PHEX: variants seen among roughly 807,000 people sequenced by gnomAD.
PHEX encodes phosphate regulating endopeptidase X-linked, also known as phosphate-regulating neutral endopeptidase PHEX.
PHEX carries 16 observed loss-of-function variants against 68.0 expected under a neutral mutation model. That is an observed-to-expected ratio of 0.24 (90% CI 0.16 to 0.36). The LOEUF is 0.36. Ranked by LOEUF, PHEX falls within the 10% of genes least tolerant of loss-of-function variation. The probability of loss-of-function intolerance (pLI) is 1.00; values close to 1 mark genes in which losing one functional copy is unlikely to be tolerated. For synonymous variants in PHEX, 208 were observed against 205.1 expected (o/e 1.01, Z -0.12); for missense variants, 480 against 575.5 (o/e 0.83, Z 1.70).
rs1462313133 is a variant in PHEX at position 22,214,221 on chromosome X, G to A, written c.1700+1263G>A. The stretch of plus-strand genomic sequence containing the variant: ...AGGGGGCCCACATTCCTTGGCTTAT[G>A]ACCTCTTCCTCCATCTTTAAAGTTC... On this transcript the variant is annotated intron_variant, in intron 16 of 21. Transcript: ENST00000379374. 2.7e-5 allele frequency among the ~76,000 whole-genome samples: 3 copies of A among 111,107 alleles called. No homozygotes were observed. In the East Asian group the frequency reaches 8.5e-4, roughly 31 times the overall value.
At chrX:22,133,473 G>C (rs942296588) in intron 11 of PHEX, 50 bp from the exon 12 acceptor site, 1 of 1,027,438 alleles carries the variant, frequency 9.7e-7, no homozygotes, top group Non-Finnish European at 1.4e-6. Flanking sequence ...AGAAAACCTC[G>C]ACTGAAGCTT....
At chrX:22,041,520 G>A (rs1394253579) in intron 2 of PHEX, among the ~76,000 whole-genome samples, 1 of 108,634 alleles carries the variant, frequency 9.2e-6, no homozygotes, top group African/African-American at 3.4e-5. Flanking sequence ...TGGTGATATG[G>A]GGCCATGCCA....
intron 3 of PHEX, among the ~76,000 whole-genome samples, chrX:22,054,616 A>G (rs933176333): frequency 9.0e-6 from 1 of 111,016 alleles, no homozygotes; most frequent in Non-Finnish European, 1.9e-5. Flanking sequence ...GAAGATTCCC[A>G]TTTTTCTCAG....
chrX:22,133,824 G>A (rs1386158105), intron 12 of PHEX, among the ~76,000 whole-genome samples, 200 bp downstream of exon 12: 1 of 111,798 alleles, frequency 8.9e-6, no homozygotes, highest in Non-Finnish European at 1.9e-5. Context: ...TGAATTTTTC[G>A]AACTGCATTT....
At chrX:22,198,915 C>T (rs947246101) in intron 15 of PHEX, among the ~76,000 whole-genome samples, 1 of 111,214 alleles carries the variant, frequency 9.0e-6, no homozygotes, top group Non-Finnish European at 1.9e-5. Flanking sequence ...ACAATTATGG[C>T]GGACGGCGAA....
chrX:22,195,857 T>C (rs1934350951), intron 15 of PHEX, among the ~76,000 whole-genome samples: 1 of 111,078 alleles, frequency 9.0e-6, no homozygotes. Context: ...GATACAAGAG[T>C]AAAAACTCAC....
chrX:22,148,979 C>T (rs1329553318), intron 12 of PHEX, among the ~76,000 whole-genome samples: 1 of 111,575 alleles, frequency 9.0e-6, no homozygotes, highest in Non-Finnish European at 1.9e-5. Flanking sequence ...GGTTTTAGGG[C>T]CCAGAACTGG....
chrX:22,141,517 C>T (rs1482779265), intron 12 of PHEX, among the ~76,000 whole-genome samples: 3 of 109,846 alleles, frequency 2.7e-5, no homozygotes, highest in Admixed American at 9.7e-5. Context: ...TCTTTTTTTC[C>T]CCGCTCACAG....
intron 20 of PHEX, among the ~76,000 whole-genome samples, chrX:22,230,441 C>CT (rs1410864997): frequency 1.1e-5 from 1 of 93,573 alleles, no homozygotes; most frequent in Non-Finnish European, 2.1e-5. Flanking sequence ...TTTGTGTTCT[C>CT]TCTTATTTCC....
intron 20 of PHEX, among the ~76,000 whole-genome samples, 153 bp from the exon 21 acceptor site, chrX:22,245,180 T>C (rs1469792459): frequency 1.8e-5 from 2 of 112,312 alleles, no homozygotes; most frequent in Non-Finnish European, 3.8e-5. Flanking sequence ...ATAATAGATG[T>C]TATTACAGAT....
chrX:22,234,189 G>T (rs778755001), intron 20 of PHEX, among the ~76,000 whole-genome samples: 1 of 112,965 alleles, frequency 8.9e-6, no homozygotes, highest in Non-Finnish European at 1.9e-5. Flanking sequence ...GCACCTGCCA[G>T]ATGCCAGCCA....
chrX:22,172,889 A>G (rs1160654916), intron 13 of PHEX: 9 of 111,444 alleles, frequency 8.1e-5, no homozygotes, highest in East Asian at 5.7e-4. Flanking sequence ...TCAGAGGCCA[A>G]AGTTTCTGGT....
At chrX:22,204,522 C>T (rs1176509563) in intron 15 of PHEX, among the ~76,000 whole-genome samples, 2 of 111,892 alleles carry the variant, frequency 1.8e-5, no homozygotes, top group Non-Finnish European at 3.8e-5. Flanking sequence ...TCCTTTCTCC[C>T]TCACTAGATT....
At chrX:22,190,636 C>T in intron 15 of PHEX, 134 bp downstream of exon 15, 5 of 540,762 alleles carry the variant, frequency 9.2e-6, no homozygotes, top group Non-Finnish European at 1.7e-5. Flanking sequence ...GAAGGTTGTT[C>T]TCCTACCTAT....
chrX:22,211,943 G>A (rs753360865), intron 15 of PHEX, among the ~76,000 whole-genome samples: 2 of 111,570 alleles, frequency 1.8e-5, no homozygotes, highest in African/African-American at 3.3e-5. Flanking sequence ...GGGGGAAACC[G>A]CGCCCATGAT....
At chrX:22,118,140 C>T (rs1167857365) in intron 11 of PHEX, among the ~76,000 whole-genome samples, 1 of 109,317 alleles carries the variant, frequency 9.1e-6, no homozygotes, top group Non-Finnish European at 1.9e-5. Flanking sequence ...TACATGTGTA[C>T]ATAAATCACG....
At chrX:22,117,130 G>A (rs1401228860) in intron 11 of PHEX, among the ~76,000 whole-genome samples, 2 of 112,226 alleles carry the variant, frequency 1.8e-5, no homozygotes, top group African/African-American at 3.2e-5. Flanking sequence ...TATGTCTTTC[G>A]ACGATTGCAC....
At position 22,248,017 on chromosome X, in the gene PHEX, C is replaced by A. The variant is rs993410261; in HGVS notation, c.*64C>A. 2.6e-6 allele frequency: 2 copies of A among 778,079 alleles called. No individual in the cohort carries two copies. Among genetic ancestry groups the A allele is most frequent in the Non-Finnish European group, 4.0e-6 (2 of 500,433 alleles). The allele number at this position is 778,079 out of a possible 1,213,427, so 64.1% of individuals were successfully genotyped here. On this transcript the variant is annotated 3_prime_UTR_variant, in exon 22 of 22. Transcript: ENST00000379374. Reference sequence around the variant, plus strand: ...AGTGCCAGCGGAGGCTGCACTGAGCCTTCATCGCCCATTGCTTTAGGCCTG... The same window carrying A: ...AGTGCCAGCGGAGGCTGCACTGAGCATTCATCGCCCATTGCTTTAGGCCTG...
chrX:22,109,099 C>G (rs1054776860), intron 9 of PHEX, among the ~76,000 whole-genome samples: 2 of 111,545 alleles, frequency 1.8e-5, no homozygotes, highest in Admixed American at 1.9e-4. Context: ...GATGTAAGCA[C>G]AAGAGAACAG....
Sources: gnomAD v4.1 joint callset for allele counts (sites outside exome capture counted in the v4.1 genomes callset) on GRCh38, gnomAD v4.1.1 for gene constraint, MANE v1.5 for transcripts, NCBI Gene and HGNC (gene_info 2026-07-23, HGNC 2026-07-21) for gene names.